The following ARHGAP44 variants were observed in gnomAD, a reference collection of about 807,000 sequenced individuals.
ARHGAP44 encodes rho GTPase-activating protein 44.
Under a neutral mutation model 106.8 loss-of-function variants are expected in ARHGAP44, and 43 were observed. The observed-to-expected ratio is 0.40, with a 90% CI of 0.32 to 0.52. ARHGAP44 has a LOEUF of 0.52. ARHGAP44 is among the 20% of genes least tolerant of loss of function. The pLI is 0.48. For missense variants in ARHGAP44, 866 were observed against 1,050.5 expected, an observed-to-expected ratio of 0.82 and a Z score of 2.43; for synonymous variants, 439 against 410.3, an observed-to-expected ratio of 1.07 and a Z score of -0.85.
chr17:12,842,914 T>C (rs1343227392), intron 1 of ARHGAP44, among the ~76,000 whole-genome samples: 1 of 152,208 alleles, frequency 6.6e-6, no homozygotes, highest in South Asian at 2.1e-4. Context: ...CGCAGGCTCC[T>C]GGTCACTCCT....
At chr17:12,799,173 T>C (rs1400597112) in intron 1 of ARHGAP44, among the ~76,000 whole-genome samples, 1 of 152,240 alleles carries the variant, frequency 6.6e-6, no homozygotes, top group Admixed American at 6.5e-5. Flanking sequence ...ATTCTGCTTT[T>C]CTCAGATCCT....
chr17:12,863,988 G>A (rs922135899), intron 1 of ARHGAP44, among the ~76,000 whole-genome samples: 12 of 152,188 alleles, frequency 7.9e-5, no homozygotes, highest in African/African-American at 2.4e-4. Context: ...ATGTGGCCAC[G>A]CCATGTGGCT....
Position 12,862,593 on chromosome 17 carries a change from G to A in ARHGAP44, c.54-32347G>A, listed in dbSNP as rs142830226. On this transcript the variant is annotated intron_variant, in intron 1 of 20. Transcript: ENST00000379672. ...TCATAATCTTTCAGGTTCTTACCAG[G>A]TCTTTCATCTGTGAAATGATGGGGT... 4.9e-3 allele frequency among the ~76,000 whole-genome samples: 741 copies of A among 152,252 alleles called. 8 individuals carry two copies. Among genetic ancestry groups the A allele is most frequent in the African/African-American group, 0.017 (704 of 41,546 alleles).
In ARHGAP44 at chr17:12,886,466, A is replaced by G. The variant is rs573664450; in HGVS notation, c.54-8474A>G. Reference sequence around the variant, plus strand: ...TACCACAGACATGCTTTTTCTCTCTATTTAGATTTGCTTTTATTTATTTCA... The same window carrying G: ...TACCACAGACATGCTTTTTCTCTCTGTTTAGATTTGCTTTTATTTATTTCA... On this transcript the variant is annotated intron_variant, in intron 1 of 20. Transcript: ENST00000379672. Among the ~76,000 whole-genome samples, 39 of 152,118 alleles carry G rather than the reference A, an allele frequency of 2.6e-4. No homozygotes were observed. In the South Asian group the frequency reaches 7.7e-3, roughly 30 times the overall value.
chr17:12,910,189 C>T (rs1437792622), intron 4 of ARHGAP44, among the ~76,000 whole-genome samples: 1 of 150,674 alleles, frequency 6.6e-6, no homozygotes, highest in Non-Finnish European at 1.5e-5. Context: ...ACATCTCTTT[C>T]ACAGAAACAG....
At chr17:12,812,348 C>T (rs140270267) in intron 1 of ARHGAP44, among the ~76,000 whole-genome samples, 1,998 of 152,068 alleles carry the variant, frequency 0.013, 23 homozygotes, top group Non-Finnish European at 0.021. Context: ...TTCGGAAGGA[C>T]GCATGGGATT....
chr17:12,835,276 A>G (rs1383135397), intron 1 of ARHGAP44, among the ~76,000 whole-genome samples: 1 of 152,184 alleles, frequency 6.6e-6, no homozygotes, highest in Admixed American at 6.5e-5. Flanking sequence ...AGGCTTGCCA[A>G]CACCCTCAAG....
chr17:12,923,459 C>T (rs1024986815), intron 6 of ARHGAP44, among the ~76,000 whole-genome samples: 1 of 152,014 alleles, frequency 6.6e-6, no homozygotes, highest in African/African-American at 2.4e-5. Flanking sequence ...CAGGTAGATC[C>T]GTCTGCCTCA....
At chr17:12,826,421 T>C (rs1004455195) in intron 1 of ARHGAP44, among the ~76,000 whole-genome samples, 2 of 152,234 alleles carry the variant, frequency 1.3e-5, no homozygotes, top group Non-Finnish European at 2.9e-5. Flanking sequence ...ATTGGCTCTT[T>C]TCTTACATTC....
chr17:12,809,282 A>G (rs965717493), intron 1 of ARHGAP44, among the ~76,000 whole-genome samples: 6 of 152,314 alleles, frequency 3.9e-5, no homozygotes, highest in African/African-American at 1.2e-4. Context: ...ATTTTCAGGT[A>G]TCTTTACAGC....
intron 3 of ARHGAP44, among the ~76,000 whole-genome samples, chr17:12,897,218 C>T (rs2037233049): frequency 6.6e-6 from 1 of 152,034 alleles, no homozygotes; most frequent in Non-Finnish European, 1.5e-5. Context: ...TTTTTCTCCT[C>T]CTTCCTTGAG....
chr17:12,911,882 G>T (rs1262595676), intron 4 of ARHGAP44, among the ~76,000 whole-genome samples: 1 of 152,214 alleles, frequency 6.6e-6, no homozygotes, highest in African/African-American at 2.4e-5. Context: ...ATTAGAAGAG[G>T]TTTCTCAGGA....
At chr17:12,951,378 C>T (rs572689708) in intron 12 of ARHGAP44, among the ~76,000 whole-genome samples, 1 of 152,140 alleles carries the variant, frequency 6.6e-6, no homozygotes. Context: ...CCAAGGAGTC[C>T]GGTTTCAGGG....
chr17:12,799,925 G>C (rs73288390), intron 1 of ARHGAP44, among the ~76,000 whole-genome samples: 5 of 152,052 alleles, frequency 3.3e-5, no homozygotes, highest in East Asian at 1.9e-4. Flanking sequence ...CACCATGCCC[G>C]GCCAGAGAAA....
chr17:12,987,215 C>T, intron 20 of ARHGAP44: 1 of 1,401,768 alleles, frequency 7.1e-7, no homozygotes, highest in Non-Finnish European at 9.6e-7. Context: ...GCCCGCTCCT[C>T]CCCTCCGCTC....
chr17:12,903,126 G>GAGAGAGAGAGGA (rs57334058), intron 3 of ARHGAP44, among the ~76,000 whole-genome samples: 2 of 70,762 alleles, frequency 2.8e-5, no homozygotes, highest in South Asian at 6.7e-4. Context: ...GAGAGAGAGA[G>GAGAGAGAGAGGA]GAGAGAGAGA....
chr17:12,944,957 A>G (rs2038813002), intron 10 of ARHGAP44, among the ~76,000 whole-genome samples: 2 of 152,082 alleles, frequency 1.3e-5, no homozygotes, highest in Non-Finnish European at 2.9e-5. Context: ...TATGATTGAT[A>G]GATATATTAG....
intron 13 of ARHGAP44, among the ~76,000 whole-genome samples, chr17:12,955,254 C>T (rs943726334): frequency 2.4e-4 from 36 of 152,136 alleles, no homozygotes; most frequent in African/African-American, 8.2e-4. Flanking sequence ...TTTATTGGTT[C>T]ATCCCTTTAT....
intron 16 of ARHGAP44, among the ~76,000 whole-genome samples, chr17:12,965,911 G>A (rs2039378762): frequency 6.6e-6 from 1 of 152,154 alleles, no homozygotes; most frequent in Non-Finnish European, 1.5e-5. Context: ...CCAGCACTAT[G>A]GGAGGCTGAG....
Sources: allele counts gnomAD v4.1 joint callset (sites outside exome capture counted in the v4.1 genomes callset), GRCh38; gene constraint gnomAD v4.1.1; transcripts MANE v1.5; gene names NCBI Gene and HGNC (gene_info 2026-07-23, HGNC 2026-07-21).